PPFIA2: variants seen among roughly 807,000 people sequenced by gnomAD.
PPFIA2 encodes PPFI scaffold protein A2, also known as liprin-alpha-2.
In PPFIA2, 46 loss-of-function variants were observed where a neutral mutation model predicts 175.5. The observed-to-expected ratio is 0.26, with a 90% CI of 0.21 to 0.34. The LOEUF is 0.34. PPFIA2 is among the 10% of genes least tolerant of loss of function. The pLI is 1.00. For synonymous variants in PPFIA2, 568 were observed against 511.4 expected (o/e 1.11, Z -1.49); for missense variants, 1,179 against 1,506.1 (o/e 0.78, Z 3.60).
intron 14 of PPFIA2, among the ~76,000 whole-genome samples, chr12:81,364,916 T>C (rs1425017781): frequency 6.6e-6 from 1 of 151,660 alleles, no homozygotes; most frequent in Non-Finnish European, 1.5e-5. Flanking sequence ...TGCTGGTGTG[T>C]TAGGTTAGAT....
chr12:81,393,172 A>G (rs1313241538), intron 8 of PPFIA2, among the ~76,000 whole-genome samples: 1 of 152,080 alleles, frequency 6.6e-6, no homozygotes, highest in Non-Finnish European at 1.5e-5. Flanking sequence ...AAAAATAGCT[A>G]GGTCCCACAT....
chr12:81,278,339 G>A (rs1175853397), intron 27 of PPFIA2, among the ~76,000 whole-genome samples: 1 of 151,956 alleles, frequency 6.6e-6, no homozygotes, highest in African/African-American at 2.4e-5. Context: ...TCAGGAGTTC[G>A]AGACCAGCTT....
At chr12:81,495,976 A>G (rs184735213) in intron 4 of PPFIA2, among the ~76,000 whole-genome samples, 1 of 152,338 alleles carries the variant, frequency 6.6e-6, no homozygotes, top group African/African-American at 2.4e-5. Flanking sequence ...TTTTATTGGC[A>G]ATATATAGTA....
rs138552985 is a variant in PPFIA2 at position 81,353,703 on chromosome 12, CTAAT to C, written c.1774-368_1774-365del. Among the ~76,000 whole-genome samples the C allele has an allele frequency of 3.7e-3, 568 of 152,294 alleles. 4 individuals carry two copies. The highest frequency in any genetic ancestry group is 0.013 in the African/African-American group (543 of 41,556). On this transcript the variant is annotated intron_variant, in intron 16 of 32. Transcript: ENST00000549396. Reference sequence around the variant, plus strand: ...TGTACTCAAGCACTCACGACTTAAACTAATTAGTCTTCCTATATTTTCTTATTAT... The same window carrying C: ...TGTACTCAAGCACTCACGACTTAAACTAGTCTTCCTATATTTTCTTATTAT...
intron 14 of PPFIA2, among the ~76,000 whole-genome samples, chr12:81,364,398 T>C (rs887789786): frequency 6.6e-6 from 1 of 151,822 alleles, no homozygotes; most frequent in Non-Finnish European, 1.5e-5. Flanking sequence ...TATTTATTTA[T>C]TTAAAGACAG....
At position 81,341,131 on chromosome 12, in the gene PPFIA2, T is replaced by C. The variant is rs770791587; in HGVS notation, c.2340A>G (p.Arg780=). 3.1e-6 allele frequency: 5 copies of C among 1,611,596 alleles called. No individual in the cohort carries two copies. The South Asian group carries it at 4.4e-5, about 14-fold the overall frequency. ...GGAGAGTGTGAGTCATTCTGAGGGC[T>C]CTAGGGGTAGGAGGAGGAGAAGTTT... The part of the protein sequence containing the change: ...KCETSPPPTP[R]ALRMTHTLPS... The change falls in exon 20 of 33, where the codon AGA becomes AGG. Residue 780 remains arginine, a synonymous_variant. Coordinates refer to ENST00000549396, the MANE Select transcript of PPFIA2 (RefSeq NM_003625.5).
At chr12:81,681,988 C>T (rs1306914390) in intron 3 of PPFIA2, among the ~76,000 whole-genome samples, 2 of 151,926 alleles carry the variant, frequency 1.3e-5, no homozygotes, top group African/African-American at 2.4e-5. Context: ...TTCAAAAAGT[C>T]ACTTAATGTA....
chr12:81,720,897 A>G (rs2079230869), intron 3 of PPFIA2, among the ~76,000 whole-genome samples: 1 of 151,282 alleles, frequency 6.6e-6, no homozygotes. Context: ...AACTAATAAC[A>G]GCTCATAAAA....
At chr12:81,497,556 T>TTTTTTTG (rs1567072879) in intron 4 of PPFIA2, among the ~76,000 whole-genome samples, 3 of 142,014 alleles carry the variant, frequency 2.1e-5, no homozygotes, top group African/African-American at 7.8e-5. Context: ...TTTTTTTTTT[T>TTTTTTTG]GGGGCAGAGT....
At chr12:81,302,645 T>C (rs764288276) in intron 22 of PPFIA2, 7 of 447,518 alleles carry the variant, frequency 1.6e-5, no homozygotes, top group Non-Finnish European at 3.2e-5. Context: ...GATGGCTAGG[T>C]TTTACACCAG....
chr12:81,294,662 T>G (rs1202473399), intron 24 of PPFIA2, 173 bp downstream of exon 24: 7 of 643,872 alleles, frequency 1.1e-5, no homozygotes, highest in African/African-American at 3.7e-5. Context: ...TCATAGTTCC[T>G]CATTTGAAAA....
At chr12:81,369,977 A>T (rs2034635753) in intron 11 of PPFIA2, among the ~76,000 whole-genome samples, 1 of 151,818 alleles carries the variant, frequency 6.6e-6, no homozygotes, top group Non-Finnish European at 1.5e-5. Flanking sequence ...GCAATGAAAG[A>T]CTACTACAGA....
chr12:81,358,221 G>A lies in PPFIA2; in HGVS notation c.1638-4C>T, dbSNP rs779064749. On this transcript the variant is annotated splice_region_variant and splice_polypyrimidine_tract_variant and intron_variant, in intron 15 of 32. Coordinates refer to ENST00000549396, the MANE Select transcript of PPFIA2 (RefSeq NM_003625.5). ...AGCTGAGGTGTCTAGATGAGTTCTG[G>A]AAAAAAGGAAAAATATAAAATAATC... 1.5e-5 allele frequency: 23 copies of A among 1,559,416 alleles called. No individual in the cohort carries two copies. The South Asian group carries it at 2.6e-4, about 18-fold the overall frequency.
intron 25 of PPFIA2, 110 bp downstream of exon 25, chr12:81,284,131 C>A: frequency 1.2e-6 from 1 of 830,850 alleles, no homozygotes; most frequent in Non-Finnish European, 2.0e-6. Flanking sequence ...TTGCATGTAA[C>A]TATAAAAACA....
chr12:81,646,124 T>A (rs2066027094), intron 4 of PPFIA2, among the ~76,000 whole-genome samples: 1 of 152,154 alleles, frequency 6.6e-6, no homozygotes, highest in South Asian at 2.1e-4. Context: ...GGTATAGAAG[T>A]CTTACTCCTC....
intron 5 of PPFIA2, among the ~76,000 whole-genome samples, chr12:81,449,362 C>G (rs2051962321): frequency 6.6e-6 from 1 of 151,986 alleles, no homozygotes; most frequent in Non-Finnish European, 1.5e-5. Context: ...GCAGTTTTTC[C>G]TCACTATAAT....
chr12:81,272,488 T>C (rs1249478643), intron 28 of PPFIA2, among the ~76,000 whole-genome samples: 1 of 152,192 alleles, frequency 6.6e-6, no homozygotes, highest in Non-Finnish European at 1.5e-5. Context: ...AATTTAAGTC[T>C]TTATACTTTT....
At position 81,445,736 on chromosome 12, in the gene PPFIA2, GA is replaced by G; in HGVS notation, c.406-17del. 6.2e-7 allele frequency: 1 copy of G among 1,605,630 alleles called. No individual in the cohort carries two copies. The highest frequency in any genetic ancestry group is 8.5e-7 in the Non-Finnish European group (1 of 1,176,258). On this transcript the variant is annotated splice_polypyrimidine_tract_variant and intron_variant, in intron 5 of 32. Transcript: ENST00000549396. The stretch of plus-strand genomic sequence containing the variant: ...CCAGTAATAGCTATTGGGTTTAACA[GA>G]AAATGCAATTATCTTATGAATACAA...
chr12:81,361,318 T>TCTTCTC (rs1411310048), intron 15 of PPFIA2, among the ~76,000 whole-genome samples: 1 of 151,694 alleles, frequency 6.6e-6, no homozygotes, highest in African/African-American at 2.4e-5. Context: ...TTTTACCAGT[T>TCTTCTC]CTTCTCCTTC....
Sources: allele counts gnomAD v4.1 joint callset (sites outside exome capture counted in the v4.1 genomes callset), GRCh38; gene constraint gnomAD v4.1.1; transcripts MANE v1.5; gene names NCBI Gene and HGNC (gene_info 2026-07-23, HGNC 2026-07-21).